Variants in PTDSS1 observed in about 807,000 individuals in gnomAD.
PTDSS1 encodes the protein phosphatidylserine synthase 1.
In PTDSS1, 45 loss-of-function variants were observed where a neutral mutation model predicts 70.5. That is an observed-to-expected ratio of 0.64 (90% CI 0.50 to 0.82). The LOEUF (loss-of-function observed/expected upper bound fraction) is 0.82, where lower values mean the gene tolerates loss of function less well. PTDSS1 is among the 40% of genes least tolerant of loss of function. The pLI is 0.00. For synonymous variants in PTDSS1, 188 were observed against 203.8 expected (o/e 0.92, Z 0.66); for missense variants, 417 against 586.1 (o/e 0.71, Z 2.98).
intron 6 of PTDSS1, among the ~76,000 whole-genome samples, chr8:96,303,606 AG>A (rs1197893606): frequency 2.0e-5 from 3 of 152,158 alleles, no homozygotes; most frequent in African/African-American, 7.2e-5. Flanking sequence ...TGTAAACTGT[AG>A]GACTGTTTAG....
rs1165661430 is a variant in PTDSS1 at position 96,306,448 on chromosome 8, CTGAG to C, written c.901_904del (p.Glu301Ter). ...TAATTTCTCCGTCTTTTTCAGCTGACTGAGTTGAATACCTTCTTCTTGAAGCATA... is the reference window on the plus strand; with the variant it reads ...TAATTTCTCCGTCTTTTTCAGCTGACTTGAATACCTTCTTCTTGAAGCATA... On this transcript the variant is annotated frameshift_variant, in exon 8 of 13. Coordinates refer to ENST00000517309, the MANE Select transcript of PTDSS1 (RefSeq NM_014754.3). LOFTEE classifies it high-confidence loss of function. The C allele has an allele frequency of 6.2e-6, 10 of 1,612,842 alleles. No individual in the cohort carries two copies. Among genetic ancestry groups the C allele is most frequent in the Non-Finnish European group, 7.6e-6 (9 of 1,179,078 alleles).
chr8:96,320,244 AG>A lies in PTDSS1; in HGVS notation c.1075del. The A allele has an allele frequency of 1.9e-6, 3 of 1,593,528 alleles. No homozygotes were observed. The highest frequency in any genetic ancestry group is 1.7e-6 in the Non-Finnish European group (2 of 1,161,236). On this transcript the variant is annotated splice_acceptor_variant, in intron 9 of 12. Transcript: ENST00000517309. LOFTEE classifies it high-confidence loss of function. The stretch of plus-strand genomic sequence containing the variant: ...CTTAACCTCTGTTCTCTGTCTAATT[AG>A]GGTCATTGGTTTCCTGGAGGCCATT...
At chr8:96,295,009 A>C (rs1297757214) in intron 4 of PTDSS1, 89 bp from the exon 5 acceptor site, 2 of 1,279,022 alleles carry the variant, frequency 1.6e-6, no homozygotes, top group East Asian at 5.0e-5. Context: ...TGTCAAGTTC[A>C]TATCTATTCT....
chr8:96,279,763 G>T (rs969969376), intron 2 of PTDSS1, among the ~76,000 whole-genome samples: 2 of 151,956 alleles, frequency 1.3e-5, no homozygotes, highest in African/African-American at 4.8e-5. Flanking sequence ...AGGTTGTAGT[G>T]AGCCGAGATT....
In PTDSS1 at chr8:96,262,364, C is replaced by A; in HGVS notation, c.179+145C>A. On this transcript the variant is annotated intron_variant, in intron 1 of 12. Coordinates refer to ENST00000517309, the MANE Select transcript of PTDSS1 (RefSeq NM_014754.3). This position sits in a 1 kb window ranked among gnomAD's most constrained non-coding sequence, Gnocchi z 4.4. Reference sequence around the variant, plus strand: ...GCACACGCACTGGCAGCCCGCCGCCCACGCGGCCCCTCCGCCCGCCCGGTG... The same window carrying A: ...GCACACGCACTGGCAGCCCGCCGCCAACGCGGCCCCTCCGCCCGCCCGGTG... 2.7e-6 allele frequency: 3 copies of A among 1,110,302 alleles called. No individual in the cohort carries two copies. The highest frequency in any genetic ancestry group is 1.6e-5 in the South Asian group (1 of 61,200). 68.8% of individuals were successfully genotyped at this position (1,110,302 alleles called of 1,614,324 possible).
At chr8:96,316,531 CAG>C (rs1398708004) in intron 9 of PTDSS1, among the ~76,000 whole-genome samples, 1 of 152,136 alleles carries the variant, frequency 6.6e-6, no homozygotes, top group Non-Finnish European at 1.5e-5. Context: ...ACATAAACAT[CAG>C]AGTAATAGAC....
At chr8:96,281,617 C>T (rs963555660) in intron 2 of PTDSS1, among the ~76,000 whole-genome samples, 5 of 152,176 alleles carry the variant, frequency 3.3e-5, no homozygotes, top group South Asian at 2.1e-4. Flanking sequence ...CCTGTTGCAT[C>T]GGCTCTAAAC....
intron 1 of PTDSS1, 91 bp from the exon 2 acceptor site, chr8:96,273,208 C>T: frequency 1.2e-6 from 1 of 834,970 alleles, no homozygotes; most frequent in Non-Finnish European, 1.8e-6. Context: ...TCTGGCAGTC[C>T]CCCAGTTTTT....
chr8:96,324,219 G>C (rs1220841934), intron 10 of PTDSS1, among the ~76,000 whole-genome samples: 1 of 152,166 alleles, frequency 6.6e-6, no homozygotes, highest in African/African-American at 2.4e-5. Context: ...TAATCTCTAA[G>C]AAGACTGAGG....
intron 10 of PTDSS1, among the ~76,000 whole-genome samples, chr8:96,324,531 A>G (rs1018385390): frequency 2.0e-5 from 3 of 152,216 alleles, no homozygotes; most frequent in African/African-American, 4.8e-5. Flanking sequence ...AAGTATGGCA[A>G]TGGCATCCAG....
intron 1 of PTDSS1, among the ~76,000 whole-genome samples, chr8:96,269,402 G>A (rs1423266793): frequency 6.6e-6 from 1 of 152,182 alleles, no homozygotes; most frequent in African/African-American, 2.4e-5. Flanking sequence ...TGCAGACTGG[G>A]GCATTTTGTT....
chr8:96,280,511 T>A (rs998913223), intron 2 of PTDSS1, among the ~76,000 whole-genome samples: 30 of 151,920 alleles, frequency 2.0e-4, no homozygotes, highest in African/African-American at 7.2e-4. Flanking sequence ...AAGCCTGCAG[T>A]GAGCTGAGAT....
chr8:96,282,503 C>T (rs767493428), intron 2 of PTDSS1, among the ~76,000 whole-genome samples: 62 of 152,182 alleles, frequency 4.1e-4, no homozygotes, highest in Non-Finnish European at 8.2e-4. Flanking sequence ...CATCTGAGTT[C>T]TCACTACCTG....
Position 96,304,077 on chromosome 8 carries a change from G to A in PTDSS1, c.790G>A (p.Val264Ile). Reference protein sequence around the residue: ...HTTTGKIKRAVLQFTPASWTY... With the variant: ...HTTTGKIKRAILQFTPASWTY... The stretch of plus-strand genomic sequence containing the variant: ...CACCACCGGGAAGATCAAGAGAGCT[G>A]TTCTGCAGTTCACTCCTGCTAGCTG... The change falls in exon 7 of 13, where the codon GTT becomes ATT. Residue 264 changes from valine (V) to isoleucine (I), a missense_variant. Transcript: ENST00000517309. 2 of 1,613,620 alleles carry A rather than the reference G, an allele frequency of 1.2e-6. No homozygotes were observed. Among genetic ancestry groups the A allele is most frequent in the Non-Finnish European group, 1.7e-6 (2 of 1,179,692 alleles).
intron 4 of PTDSS1, among the ~76,000 whole-genome samples, chr8:96,293,501 C>T (rs116799885): frequency 1.8e-4 from 28 of 152,374 alleles, no homozygotes; most frequent in African/African-American, 6.7e-4. Flanking sequence ...AAAGCCTGTT[C>T]CTCCTGGTTC....
intron 2 of PTDSS1, among the ~76,000 whole-genome samples, chr8:96,280,600 T>G (rs1810722051): frequency 6.6e-6 from 1 of 152,016 alleles, no homozygotes; most frequent in African/African-American, 2.4e-5. Flanking sequence ...AATGATGTAT[T>G]CTAGGTGGAA....
chr8:96,292,985 A>ATAGT (rs1458686527), intron 4 of PTDSS1, among the ~76,000 whole-genome samples: 1 of 152,142 alleles, frequency 6.6e-6, no homozygotes, highest in Non-Finnish European at 1.5e-5. Context: ...GAGTGAAGAG[A>ATAGT]TAGTTGGGCT....
At chr8:96,266,640 G>A (rs949460588) in intron 1 of PTDSS1, among the ~76,000 whole-genome samples, 2 of 152,094 alleles carry the variant, frequency 1.3e-5, no homozygotes, top group African/African-American at 4.8e-5. Flanking sequence ...AGCAACAAAA[G>A]CCCTGCATGC....
At chr8:96,299,660 T>A (rs1344428269) in intron 5 of PTDSS1, 34 bp from the exon 6 acceptor site, 2 of 1,566,808 alleles carry the variant, frequency 1.3e-6, no homozygotes, top group Non-Finnish European at 1.7e-6. Flanking sequence ...CAGTTTTGTT[T>A]ATTTTTCCAA....
Sources: gnomAD v4.1 joint callset for allele counts (sites outside exome capture counted in the v4.1 genomes callset) on GRCh38, gnomAD v4.1.1 for gene constraint, Gnocchi (gnomAD v3.1) non-coding constraint, MANE v1.5 for transcripts, NCBI Gene and HGNC (gene_info 2026-07-23, HGNC 2026-07-21) for gene names.